The following CUL4B variants were observed in gnomAD, a reference collection of about 807,000 sequenced individuals.
CUL4B encodes cullin-4B.
In CUL4B, 1 loss-of-function variant was observed where a neutral mutation model predicts 69.2. That is an observed-to-expected ratio of 0.01 (90% CI 0.01 to 0.07). The LOEUF (loss-of-function observed/expected upper bound fraction) is 0.07, where lower values mean the gene tolerates loss of function less well. Ranked by LOEUF, CUL4B falls within the 10% of genes least tolerant of loss-of-function variation. The pLI is 1.00. For missense variants in CUL4B, 328 were observed against 638.8 expected (o/e 0.51, Z 5.24); for synonymous variants, 237 against 223.2 (o/e 1.06, Z -0.55).
intron 2 of CUL4B, 44 bp from the exon 3 acceptor site, chrX:120,547,283 CT>C: frequency 1.3e-6 from 1 of 772,001 alleles, no homozygotes; most frequent in Non-Finnish European, 2.0e-6. Context: ...TGAAGGATTT[CT>C]CAACTATTTA....
upstream of CUL4B, among the ~76,000 whole-genome samples, chrX:120,563,513 CAT>C (rs1339143486): frequency 3.6e-5 from 4 of 111,958 alleles, no homozygotes; most frequent in African/African-American, 1.3e-4. Context: ...CTGGGCCTAC[CAT>C]ATAGTTCTTG....
At chrX:120,547,679 G>A (rs1924419073) in intron 2 of CUL4B, among the ~76,000 whole-genome samples, 1 of 111,491 alleles carries the variant, frequency 9.0e-6, no homozygotes, top group Non-Finnish European at 1.9e-5. Flanking sequence ...TGATTGGATT[G>A]AAGGATACAA....
chrX:120,544,310 C>T, intron 6 of CUL4B, 107 bp from the exon 7 acceptor site: 1 of 806,083 alleles, frequency 1.2e-6, no homozygotes, highest in South Asian at 2.2e-5. Flanking sequence ...AAACATCAAG[C>T]TAGGATCCTT....
upstream of CUL4B, chrX:120,561,440 G>T (rs763436100): frequency 7.4e-6 from 4 of 541,966 alleles, no homozygotes; most frequent in Admixed American, 4.7e-5. Flanking sequence ...CAGGACTTGA[G>T]TGGGGGGGGG....
chrX:120,538,250 T>C (rs1276143494), intron 13 of CUL4B, 41 bp from the exon 14 acceptor site: 2 of 924,779 alleles, frequency 2.2e-6, no homozygotes, highest in South Asian at 2.1e-5. Context: ...TTTAAAGTGG[T>C]AAAAACAAAA....
chrX:120,544,025 A>T (rs1602579131), intron 7 of CUL4B, 89 bp downstream of exon 7: 1 of 640,383 alleles, frequency 1.6e-6, no homozygotes, highest in East Asian at 3.4e-5. Flanking sequence ...CAATGTTGGG[A>T]AGATAAATGC....
intron 2 of CUL4B, among the ~76,000 whole-genome samples, chrX:120,552,013 C>A (rs12396563): frequency 1.8e-5 from 2 of 111,514 alleles, no homozygotes; most frequent in Non-Finnish European, 3.8e-5. Context: ...AGCACTTTTA[C>A]AAATATATTC....
At chrX:120,561,119 G>C, upstream of CUL4B, 2 of 1,036,864 alleles carry the variant, frequency 1.9e-6, no homozygotes, top group Non-Finnish European at 2.5e-6. Context: ...CGCCGAGGGA[G>C]GGGCGGTGTC....
chrX:120,560,273 G>C lies in CUL4B; in HGVS notation c.366C>G (p.Ser122=), dbSNP rs141353300. ...CAGTTGGTGAAGATGAGGAGGAGGA[G>C]GAGGAGGATTCCTCAGCCATCTTCG... is the stretch of plus-strand genomic sequence containing the variant. The part of the protein sequence containing the change: ...FDAKMAEESS[S]SSSSSSPTAA... The change falls in exon 1 of 20, where the codon TCC becomes TCG. Residue 122 remains serine (S), a synonymous_variant. Coordinates refer to ENST00000371322, the MANE Select transcript of CUL4B (RefSeq NM_001079872.2). The C allele has an allele frequency of 5.8e-6, 7 of 1,211,725 alleles. No individual in the cohort carries two copies. Among genetic ancestry groups the C allele is most frequent in the Non-Finnish European group, 7.8e-6 (7 of 895,499 alleles).
intron 10 of CUL4B, among the ~76,000 whole-genome samples, chrX:120,541,160 T>G (rs905302588): frequency 8.9e-6 from 1 of 112,559 alleles, no homozygotes; most frequent in Non-Finnish European, 1.9e-5. Flanking sequence ...TTGACTGTTC[T>G]CAAAATTCCC....
chrX:120,528,320 T>C (rs182421109), intron 19 of CUL4B, among the ~76,000 whole-genome samples: 11 of 109,242 alleles, frequency 1.0e-4, no homozygotes, highest in Admixed American at 5.9e-4. Flanking sequence ...GGCAGGAGAA[T>C]TGCTTGAACC....
exon 3 of CUL4B, chrX:120,571,705 T>C (rs1444112184): frequency 9.0e-6 from 1 of 110,994 alleles, no homozygotes; most frequent in African/African-American, 3.3e-5. Context: ...CCTTGAACAA[T>C]TGGGGTTTAA....
intron 8 of CUL4B, 40 bp downstream of exon 8, chrX:120,543,687 C>T (rs1382748086): frequency 3.1e-6 from 3 of 974,152 alleles, no homozygotes; most frequent in African/African-American, 3.8e-5. Context: ...AGTGATTTAA[C>T]GACAGTTTAA....
At chrX:120,534,456 T>C (rs778493021) in intron 17 of CUL4B, 25 bp downstream of exon 17, 4 of 1,002,923 alleles carry the variant, frequency 4.0e-6, no homozygotes, top group African/African-American at 3.8e-5. Context: ...GTGCACATAG[T>C]GAACAATTAA....
At chrX:120,561,683 A>G, upstream of CUL4B, among the ~76,000 whole-genome samples, 1 of 109,422 alleles carries the variant, frequency 9.1e-6, no homozygotes. Context: ...GGGACGGAAT[A>G]AAACGTAAGG....
chrX:120,536,456 G>A (rs375563822), intron 15 of CUL4B, among the ~76,000 whole-genome samples: 1 of 112,130 alleles, frequency 8.9e-6, no homozygotes, highest in Non-Finnish European at 1.9e-5. Context: ...CAGGAGTCAG[G>A]ATAGATTTAA....
In CUL4B at chrX:120,560,210, A is replaced by G. The variant is rs1416712199; in HGVS notation, c.429T>C (p.Ser143=). 2.5e-6 allele frequency: 3 copies of G among 1,210,224 alleles called. No individual in the cohort carries two copies. In the Admixed American group the frequency reaches 6.5e-5, roughly 26 times the overall value. The part of the protein sequence containing the change: ...TSQQQQLKNK[S]ILISSVASVH... ...CCGAAGCCACAGAAGAGATTAATAT[A>G]CTCTTATTTTTAAGTTGCTGCTGCT... Residue 143 remains serine (S), a synonymous_variant, in exon 1 of 20, where the codon AGT becomes AGC. Transcript: ENST00000371322.
At chrX:120,557,018 T>C (rs1216118121) in intron 2 of CUL4B, among the ~76,000 whole-genome samples, 1 of 109,335 alleles carries the variant, frequency 9.1e-6, no homozygotes, top group Non-Finnish European at 1.9e-5. Flanking sequence ...TTCAAGCGAT[T>C]CTCCTGCCTC....
intron 9 of CUL4B, among the ~76,000 whole-genome samples, chrX:120,542,396 A>C (rs944819417): frequency 6.3e-5 from 7 of 111,561 alleles, no homozygotes; most frequent in Admixed American, 1.9e-4. Flanking sequence ...ATTTTTATAC[A>C]AAAGAAAATA....
Sources: allele counts gnomAD v4.1 joint callset (sites outside exome capture counted in the v4.1 genomes callset), GRCh38; gene constraint gnomAD v4.1.1; transcripts MANE v1.5; gene names NCBI Gene and HGNC (gene_info 2026-07-23, HGNC 2026-07-21).